The following GSTM4 variants were observed in gnomAD, a reference collection of about 807,000 sequenced individuals.
GSTM4 encodes GST class-mu 4.
GSTM4 carries 27 observed loss-of-function variants against 30.1 expected under a neutral mutation model. The observed-to-expected ratio is 0.90, with a 90% CI of 0.66 to 1.24. GSTM4 has a LOEUF of 1.24. GSTM4 is among the 50% of genes most tolerant of loss of function. The pLI is 0.00. For synonymous variants in GSTM4, 94 were observed against 96.2 expected (o/e 0.98, Z 0.13); for missense variants, 238 against 272.1 (o/e 0.87, Z 0.88).
intron 2 of GSTM4, 35 bp from the exon 3 acceptor site, chr1:109,657,180 G>A (rs756968693): frequency 1.9e-6 from 3 of 1,610,410 alleles, no homozygotes; most frequent in Admixed American, 3.3e-5. Flanking sequence ...TGGGCTCTGG[G>A]GAGGTTTGTT....
chr1:109,661,624 G>T lies in GSTM4; in HGVS notation c.*370G>T. 7 of 1,196,136 alleles carry T rather than the reference G, an allele frequency of 5.9e-6. No individual in the cohort carries two copies. The highest frequency in any genetic ancestry group is 7.3e-6 in the Non-Finnish European group (7 of 957,688). 74.1% of individuals were successfully genotyped at this position (1,196,136 alleles called of 1,614,324 possible). A position where few individuals can be genotyped will look rare whatever the true frequency, so the allele number is the denominator to read the frequency against. ...TGTCCCCGTGTTGCATGACAGCATT[G>T]ACTGGTTTACAGGCCCTGCTCCTGC... On this transcript the variant is annotated 3_prime_UTR_variant, in exon 8 of 8. Coordinates refer to ENST00000369836, the MANE Select transcript of GSTM4 (RefSeq NM_000850.5).
intron 7 of GSTM4, chr1:109,659,548 T>C: frequency 2.0e-6 from 1 of 507,422 alleles, no homozygotes; most frequent in Non-Finnish European, 3.4e-6. Context: ...CAGCTGGCAA[T>C]AGTAGGACTG....
chr1:109,658,338 C>T (rs180815080), intron 5 of GSTM4: 11 of 215,714 alleles, frequency 5.1e-5, no homozygotes, highest in Admixed American at 1.6e-4. Context: ...AGCTCAGGGG[C>T]GGCCAGAGGG....
intron 5 of GSTM4, chr1:109,658,244 CCCT>C: frequency 3.7e-6 from 1 of 268,350 alleles, no homozygotes; most frequent in South Asian, 5.4e-5. Flanking sequence ...TGTAATAGCA[CCCT>C]CCTCTGTGGA....
chr1:109,662,415 G>C (rs762973122), downstream of GSTM4, among the ~76,000 whole-genome samples: 19 of 152,184 alleles, frequency 1.2e-4, no homozygotes, highest in Admixed American at 8.5e-4. Flanking sequence ...ACTGTGAGCT[G>C]CTTCACCAGA....
chr1:109,663,811 A>G (rs1221012635), downstream of GSTM4, among the ~76,000 whole-genome samples: 2 of 152,234 alleles, frequency 1.3e-5, no homozygotes, highest in Admixed American at 1.3e-4. Flanking sequence ...TCCTCAGGAC[A>G]TGTGTTTTTG....
chr1:109,661,677 G>C lies in GSTM4; in HGVS notation c.*423G>C, dbSNP rs2101230774. Reference sequence around the variant, plus strand: ...CATGGCCCCTGCCTTAGGCCTACCTGATCAAAATAAAGCCTCAGCCACATT... The same window carrying C: ...CATGGCCCCTGCCTTAGGCCTACCTCATCAAAATAAAGCCTCAGCCACATT... On this transcript the variant is annotated 3_prime_UTR_variant, in exon 8 of 8. Transcript: ENST00000369836. The C allele has an allele frequency of 1.8e-6, 2 of 1,105,552 alleles. No individual in the cohort carries two copies. Among genetic ancestry groups the C allele is most frequent in the African/African-American group, 3.2e-5 (2 of 61,850 alleles). 68.5% of individuals were successfully genotyped at this position (1,105,552 alleles called of 1,614,324 possible).
intron 3 of GSTM4, 89 bp downstream of exon 3, chr1:109,657,368 A>G (rs1652063319): frequency 6.4e-7 from 1 of 1,556,818 alleles, no homozygotes; most frequent in East Asian, 2.2e-5. Flanking sequence ...TGTTCGGATC[A>G]GGAGTCTTCT....
chr1:109,657,857 C>T lies in GSTM4; in HGVS notation c.345C>T (p.Cys115=). 2 of 1,614,088 alleles carry T rather than the reference C, an allele frequency of 1.2e-6. No individual in the cohort carries two copies. The highest frequency in any genetic ancestry group is 1.1e-5 in the South Asian group (1 of 91,080). Residue 115 remains cysteine, a synonymous_variant, in exon 5 of 8, where the codon TGC becomes TGT. Coordinates refer to ENST00000369836, the MANE Select transcript of GSTM4 (RefSeq NM_000850.5). ...MDVSNQLARV[C]YSPDFEKLKP... ...TCTCCAATCAGCTGGCCAGAGTCTG[C>T]TACAGCCCTGACTTTGTGAGTCCCT...
downstream of GSTM4, chr1:109,665,017 T>C (rs1647272685): frequency 6.2e-7 from 1 of 1,602,048 alleles, no homozygotes; most frequent in Non-Finnish European, 8.6e-7. Flanking sequence ...CTAGGTTTCC[T>C]GTGGCATAAT....
Position 109,658,955 on chromosome 1 carries a change from C to T in GSTM4, c.457-45C>T, listed in dbSNP as rs764173319. 4 of 1,612,184 alleles carry T rather than the reference C, an allele frequency of 2.5e-6. No homozygotes were observed. The South Asian group carries it at 4.4e-5, about 18-fold the overall frequency. On this transcript the variant is annotated intron_variant, in intron 6 of 7. Transcript: ENST00000369836. Reference sequence around the variant, plus strand: ...GGACACTAGAGATTTGCCATACATCCTACGTTACAGAGATTCCAGCCCACA... The same window carrying T: ...GGACACTAGAGATTTGCCATACATCTTACGTTACAGAGATTCCAGCCCACA...
chr1:109,662,320 A>G (rs1413534632), downstream of GSTM4, among the ~76,000 whole-genome samples: 1 of 152,168 alleles, frequency 6.6e-6, no homozygotes, highest in Admixed American at 6.6e-5. Flanking sequence ...GAGGTGGTGG[A>G]ATTCCCATCA....
At chr1:109,662,187 C>T (rs1357799904), downstream of GSTM4, among the ~76,000 whole-genome samples, 1 of 152,236 alleles carries the variant, frequency 6.6e-6, no homozygotes, top group East Asian at 1.9e-4. Context: ...ACATAAAGTG[C>T]TCTATAGAAA....
downstream of GSTM4, among the ~76,000 whole-genome samples, chr1:109,662,719 A>G (rs1166754512): frequency 1.3e-5 from 2 of 152,224 alleles, no homozygotes; most frequent in African/African-American, 4.8e-5. Flanking sequence ...CCCCACTAGA[A>G]TGGCTGACAT....
In GSTM4 at chr1:109,661,467, C is replaced by T; in HGVS notation, c.*213C>T. ...CTTTGAAGCCTCAGCTACCCACTTTCCTTCATGAACATCCCCCTCCCAACA... is the reference window on the plus strand; with the variant it reads ...CTTTGAAGCCTCAGCTACCCACTTTTCTTCATGAACATCCCCCTCCCAACA... On this transcript the variant is annotated 3_prime_UTR_variant, in exon 8 of 8. Transcript: ENST00000369836. 1 of 1,414,148 alleles carries T rather than the reference C, an allele frequency of 7.1e-7. No individual in the cohort carries two copies. Among genetic ancestry groups the T allele is most frequent in the Non-Finnish European group, 9.3e-7 (1 of 1,079,772 alleles). 87.6% of individuals were successfully genotyped at this position (1,414,148 alleles called of 1,614,324 possible). A position where few individuals can be genotyped will look rare whatever the true frequency, so the allele number is the denominator to read the frequency against.
At chr1:109,666,090 CTTG>C (rs1647312361), downstream of GSTM4, among the ~76,000 whole-genome samples, 1 of 152,130 alleles carries the variant, frequency 6.6e-6, no homozygotes, top group South Asian at 2.1e-4. Context: ...TTAAATTTGA[CTTG>C]TTATTACTTT....
chr1:109,656,882 C>G (rs1338765185), intron 2 of GSTM4, 95 bp downstream of exon 2: 7 of 1,233,918 alleles, frequency 5.7e-6, no homozygotes, highest in Non-Finnish European at 8.4e-6. Flanking sequence ...TGCAGGCCTC[C>G]CCTGCTGGAG....
downstream of GSTM4, among the ~76,000 whole-genome samples, chr1:109,666,882 G>C (rs996869588): frequency 1.3e-5 from 2 of 152,206 alleles, no homozygotes; most frequent in South Asian, 4.2e-4. Flanking sequence ...CCCGCCACCA[G>C]GCCTGGCTAA....
downstream of GSTM4, among the ~76,000 whole-genome samples, chr1:109,666,633 G>C (rs536344713): frequency 1.3e-3 from 193 of 152,316 alleles, 1 homozygote; most frequent in Non-Finnish European, 1.5e-3. Flanking sequence ...CTGCCAGCTG[G>C]TGTCCAGGGA....
Sources: gnomAD v4.1 joint callset for allele counts (sites outside exome capture counted in the v4.1 genomes callset) on GRCh38, gnomAD v4.1.1 for gene constraint, MANE v1.5 for transcripts, NCBI Gene and HGNC (gene_info 2026-07-23, HGNC 2026-07-21) for gene names.